The following UBE2G1 variants were observed in gnomAD, a reference collection of about 807,000 sequenced individuals.
UBE2G1 encodes ubiquitin conjugating enzyme E2 G1.
A neutral mutation model predicts 22.7 loss-of-function variants in UBE2G1; 5 were observed. That is an observed-to-expected ratio of 0.22 (90% confidence interval 0.12 to 0.46). UBE2G1 has a LOEUF of 0.46. Among genes scored for constraint, UBE2G1 ranks in the 20% least tolerant of loss-of-function variants. The pLI, the probability that UBE2G1 is intolerant of heterozygous loss-of-function variation, is 0.99. For synonymous variants in UBE2G1, 74 were observed against 67.5 expected (o/e 1.10, Z -0.47); for missense variants, 88 against 203.9 (o/e 0.43, Z 3.46).
intron 1 of UBE2G1, among the ~76,000 whole-genome samples, chr17:4,345,396 A>G (rs779631860): frequency 6.6e-6 from 1 of 152,228 alleles, no homozygotes; most frequent in Non-Finnish European, 1.5e-5. Context: ...TTCCACTTTC[A>G]TTCTATAAAG....
chr17:4,312,564 C>T (rs952101977), intron 1 of UBE2G1, among the ~76,000 whole-genome samples: 2 of 151,278 alleles, frequency 1.3e-5, no homozygotes, highest in African/African-American at 2.4e-5. Context: ...GGCGTGGTGG[C>T]GGGCACCTGT....
intron 1 of UBE2G1, among the ~76,000 whole-genome samples, chr17:4,329,532 T>C (rs1348933617): frequency 6.6e-6 from 1 of 151,798 alleles, no homozygotes; most frequent in East Asian, 1.9e-4. Context: ...CACTCCAGCC[T>C]GGGTGAATGA....
At chr17:4,355,015 C>T (rs1225903950) in intron 1 of UBE2G1, among the ~76,000 whole-genome samples, 1 of 151,878 alleles carries the variant, frequency 6.6e-6, no homozygotes, top group Non-Finnish European at 1.5e-5. Context: ...TTGCTTGAGC[C>T]GAGGAAGTGG....
chr17:4,283,246 C>G (rs1403073711), intron 4 of UBE2G1, among the ~76,000 whole-genome samples: 3 of 152,218 alleles, frequency 2.0e-5, no homozygotes, highest in African/African-American at 7.2e-5. Flanking sequence ...GGGGCCGTGG[C>G]GCACGTCCAT....
At chr17:4,322,305 G>C (rs550455399) in intron 1 of UBE2G1, among the ~76,000 whole-genome samples, 2 of 152,142 alleles carry the variant, frequency 1.3e-5, no homozygotes, top group African/African-American at 4.8e-5. Context: ...TTCCAAAGGG[G>C]AACAACAGGT....
At chr17:4,294,683 G>C (rs936286815) in intron 3 of UBE2G1, among the ~76,000 whole-genome samples, 1 of 152,084 alleles carries the variant, frequency 6.6e-6, no homozygotes, top group Non-Finnish European at 1.5e-5. Context: ...AGGACAAAGT[G>C]GGCAGATCAC....
chr17:4,290,517 G>T (rs935474086), intron 3 of UBE2G1, among the ~76,000 whole-genome samples: 1 of 152,120 alleles, frequency 6.6e-6, no homozygotes, highest in Non-Finnish European at 1.5e-5. Context: ...TGTCACCCAG[G>T]CTGGAGTGTA....
chr17:4,315,113 G>A (rs903482603), intron 1 of UBE2G1, among the ~76,000 whole-genome samples: 2 of 152,008 alleles, frequency 1.3e-5, no homozygotes, highest in African/African-American at 4.8e-5. Context: ...ACAGACAAAT[G>A]ATCATGTTTA....
At chr17:4,276,689 G>A (rs1968825544) in intron 5 of UBE2G1, among the ~76,000 whole-genome samples, 2 of 151,694 alleles carry the variant, frequency 1.3e-5, no homozygotes, top group South Asian at 2.1e-4. Context: ...ACTGTGCTGA[G>A]TTACGCAATC....
chr17:4,320,363 T>A (rs909496039), intron 1 of UBE2G1, among the ~76,000 whole-genome samples: 1 of 152,204 alleles, frequency 6.6e-6, no homozygotes. Flanking sequence ...TAGGACTCTT[T>A]TAGAAATTAA....
intron 1 of UBE2G1, among the ~76,000 whole-genome samples, chr17:4,327,790 G>A (rs940306520): frequency 5.9e-5 from 9 of 152,090 alleles, no homozygotes; most frequent in Admixed American, 1.3e-4. Context: ...AGCCTTCGAC[G>A]TGGCCCACAC....
intron 3 of UBE2G1, among the ~76,000 whole-genome samples, chr17:4,294,767 T>A (rs1969088702): frequency 6.6e-6 from 1 of 151,886 alleles, no homozygotes; most frequent in African/African-American, 2.4e-5. Flanking sequence ...AAAACAAAAA[T>A]TAGCTGGGTG....
Position 4,307,045 on chromosome 17 carries a change from A to G in UBE2G1, c.125T>C (p.Ile42Thr). The G allele has an allele frequency of 3.7e-6, 6 of 1,613,998 alleles. No individual in the cohort carries two copies. Among genetic ancestry groups the G allele is most frequent in the Non-Finnish European group, 4.2e-6 (5 of 1,179,904 alleles). The change falls in exon 2 of 6, where the codon ATT (isoleucine) becomes ACT (threonine). Residue 42 changes from isoleucine to threonine, a missense_variant. Ile to Thr is a moderately conservative substitution (Grantham distance 89). Transcript: ENST00000396981. The stretch of plus-strand genomic sequence containing the variant: ...CTAAAGTGTATCTGGAGGGCCAATA[A>G]TAAGGACTTCCCATCGGTAGAGATC... ...DNDLYRWEVL[I>T]IGPPDTLYEG...
intron 1 of UBE2G1, among the ~76,000 whole-genome samples, chr17:4,321,248 G>T (rs1385027087): frequency 6.6e-6 from 1 of 151,876 alleles, no homozygotes; most frequent in African/African-American, 2.4e-5. Flanking sequence ...TAAGTCAAAG[G>T]AACATATATA....
intron 1 of UBE2G1, among the ~76,000 whole-genome samples, chr17:4,334,260 A>AT (rs1298134750): frequency 6.6e-6 from 1 of 151,964 alleles, no homozygotes; most frequent in African/African-American, 2.4e-5. Flanking sequence ...ACATTTTGTA[A>AT]TTCACTGAAT....
At chr17:4,285,747 C>G (rs1968955572) in intron 4 of UBE2G1, among the ~76,000 whole-genome samples, 1 of 151,952 alleles carries the variant, frequency 6.6e-6, no homozygotes, top group Non-Finnish European at 1.5e-5. Flanking sequence ...ATCAAGTAAT[C>G]AAGACCATCC....
intron 1 of UBE2G1, among the ~76,000 whole-genome samples, chr17:4,349,849 A>C (rs910145874): frequency 1.5e-4 from 23 of 151,984 alleles, no homozygotes; most frequent in Non-Finnish European, 2.9e-4. Context: ...TCTCAAAAAA[A>C]AAAAAAATTA....
rs539134152 is a variant in UBE2G1, at chr17:4,339,789, C to T, written c.46+26482G>A. ...ACTTGAACCCGGGAGGTGGAGGTTG[C>T]GGTGAGCCGAGATCATGCCATTGCG... On this transcript the variant is annotated intron_variant, in intron 1 of 5. Transcript: ENST00000396981. Among the ~76,000 whole-genome samples the T allele has an allele frequency of 4.3e-4, 65 of 151,552 alleles. 2 individuals are homozygous for T. In the South Asian group the frequency reaches 0.013, roughly 31 times the overall value.
chr17:4,289,106 T>TACATAC, intron 4 of UBE2G1, 124 bp downstream of exon 4: 1 of 515,448 alleles, frequency 1.9e-6, no homozygotes, highest in Non-Finnish European at 3.1e-6. Flanking sequence ...TGGGAAGAGA[T>TACATAC]ACACACACAC....
Sources: allele counts gnomAD v4.1 joint callset (sites outside exome capture counted in the v4.1 genomes callset), GRCh38; gene constraint gnomAD v4.1.1; transcripts MANE v1.5; gene names NCBI Gene and HGNC (gene_info 2026-07-23, HGNC 2026-07-21).